The following COL5A3 variants were observed in gnomAD, a reference collection of about 807,000 sequenced individuals.
The protein encoded by COL5A3 is collagen alpha-3(V) chain.
In COL5A3, 172 loss-of-function variants were observed where a neutral mutation model predicts 250.0. That is an observed-to-expected ratio of 0.69 (90% CI 0.61 to 0.78). The LOEUF is 0.78. Ranked by LOEUF, COL5A3 falls within the 30% of genes least tolerant of loss-of-function variation. The pLI, the probability that COL5A3 is intolerant of heterozygous loss-of-function variation, is 0.00. For synonymous variants in COL5A3, 937 were observed against 900.4 expected, an observed-to-expected ratio of 1.04 and a Z score of -0.73; for missense variants, 2,340 against 2,334.4, an observed-to-expected ratio of 1.00 and a Z score of -0.05.
chr19:9,989,298 C>A, intron 26 of COL5A3, 24 bp downstream of exon 26: 1 of 1,614,164 alleles, frequency 6.2e-7, no homozygotes, highest in Non-Finnish European at 8.5e-7. Context: ...GTCCCCAACC[C>A]AGCCTAACCT....
chr19:10,005,739 G>T (rs777092489), intron 3 of COL5A3, 25 bp from the exon 4 acceptor site: 29 of 1,600,046 alleles, frequency 1.8e-5, no homozygotes, highest in Non-Finnish European at 2.3e-5. Flanking sequence ...CCTCAGTGCG[G>T]GTGCTTCTCA....
chr19:9,977,553 C>G, intron 42 of COL5A3, 41 bp downstream of exon 42: 1 of 1,531,814 alleles, frequency 6.5e-7, no homozygotes. Context: ...CAGGGCCAGA[C>G]CCTGAGGAGG....
chr19:9,971,256 G>A lies in COL5A3; in HGVS notation c.3777C>T (p.Gly1259=), dbSNP rs1407740267. 2 of 1,564,822 alleles carry A rather than the reference G, an allele frequency of 1.3e-6. No individual in the cohort carries two copies. The highest frequency in any genetic ancestry group is 1.7e-6 in the Non-Finnish European group (2 of 1,163,074). Residue 1259 remains glycine, a splice_region_variant and synonymous_variant, in exon 52 of 67, where the codon GGC becomes GGT. Transcript: ENST00000264828. ...CTAGATCTCCGGGCAGCCCCGTGGG[G>A]CCCTGGAACACAGAATGATTAATAA... ...PGEDGAKGSV[G]PTGLPGDLGP...
intron 12 of COL5A3, 29 bp from the exon 13 acceptor site, chr19:9,996,545 C>T: frequency 1.2e-6 from 2 of 1,612,994 alleles, no homozygotes; most frequent in Non-Finnish European, 8.5e-7. Context: ...TGAGGGAAGC[C>T]CCCAGGAGAG....
chr19:9,986,640 C>A (rs769790223), intron 28 of COL5A3, 34 bp from the exon 29 acceptor site: 1 of 1,613,916 alleles, frequency 6.2e-7, no homozygotes, highest in South Asian at 1.1e-5. Flanking sequence ...GAAGTGAGGG[C>A]CTCGGGGAAG....
At chr19:10,007,751 C>G (rs896534139) in intron 1 of COL5A3, among the ~76,000 whole-genome samples, 4 of 152,136 alleles carry the variant, frequency 2.6e-5, no homozygotes, top group African/African-American at 4.8e-5. Flanking sequence ...ACCCCCATTC[C>G]CACTCTTCCT....
At chr19:9,987,542 G>C (rs1299200346) in intron 27 of COL5A3, among the ~76,000 whole-genome samples, 5 of 151,812 alleles carry the variant, frequency 3.3e-5, no homozygotes, top group Non-Finnish European at 7.4e-5. Context: ...TTCCAGACCA[G>C]CCTGGGCAAC....
At chr19:9,979,558 G>A in intron 37 of COL5A3, 141 bp from the exon 38 acceptor site, 1 of 867,244 alleles carries the variant, frequency 1.2e-6, no homozygotes, top group Non-Finnish European at 1.8e-6. Context: ...GGGAGGCAGA[G>A]GCAGGTGGGT....
At chr19:9,994,571 TATATATA>T (rs1457950707) in intron 16 of COL5A3, among the ~76,000 whole-genome samples, 1 of 58,190 alleles carries the variant, frequency 1.7e-5, no homozygotes, top group African/African-American at 1.2e-4. Flanking sequence ...TATATATATA[TATATATA>T]TATATATATA....
At chr19:9,965,992 C>T (rs528408623) in intron 64 of COL5A3, among the ~76,000 whole-genome samples, 148 of 144,216 alleles carry the variant, frequency 1.0e-3, no homozygotes, top group African/African-American at 3.6e-3. Context: ...CACCACCATG[C>T]CCGCCAGTTT....
chr19:9,966,186 G>T, intron 64 of COL5A3, 128 bp downstream of exon 64: 3 of 725,950 alleles, frequency 4.1e-6, no homozygotes, highest in Non-Finnish European at 6.9e-6. Flanking sequence ...GGCAGGACTT[G>T]GCATACAGTA....
chr19:9,992,416 A>AAAAG (rs757757080), intron 21 of COL5A3, among the ~76,000 whole-genome samples: 111 of 151,922 alleles, frequency 7.3e-4, no homozygotes, highest in Middle Eastern at 3.4e-3. Flanking sequence ...TCTAAAAAAA[A>AAAAG]AAAGAAAGAA....
rs573779965 is a variant in COL5A3, at chr19:9,985,363, C to T, written c.2406+479G>A. Among the ~76,000 whole-genome samples, 219 of 151,178 alleles carry T rather than the reference C, an allele frequency of 1.4e-3. 1 individual carries two copies. Among genetic ancestry groups the T allele is most frequent in the Middle Eastern group, 3.4e-3 (1 of 294 alleles). Reference sequence around the variant, plus strand: ...ACAACCTCTGCCTCCTGGGTTCAAGCGATTCTCCTGCCTCAGCCTCCCGAG... The same window carrying T: ...ACAACCTCTGCCTCCTGGGTTCAAGTGATTCTCCTGCCTCAGCCTCCCGAG... On this transcript the variant is annotated intron_variant, in intron 31 of 66. Coordinates refer to ENST00000264828, the MANE Select transcript of COL5A3 (RefSeq NM_015719.4).
rs766880714 is a variant in COL5A3 at position 9,979,267 on chromosome 19, T to TG, written c.2767-29dup. The TG allele has an allele frequency of 2.5e-6, 4 of 1,602,792 alleles. No individual in the cohort carries two copies. In the Admixed American group the frequency reaches 6.7e-5, roughly 27 times the overall value. On this transcript the variant is annotated intron_variant, in intron 38 of 66. Coordinates refer to ENST00000264828, the MANE Select transcript of COL5A3 (RefSeq NM_015719.4). ...GGTGAGGAAGAAGGCTCCTGTTGAG[T>TG]GGGGGTGGCCTAGGGGAGTCGCTCA...
rs571286103 is a variant in COL5A3, at chr19:9,992,825, A to G, written c.1848+2T>C. The G allele has an allele frequency of 7.4e-6, 12 of 1,613,892 alleles. No individual in the cohort carries two copies. The Admixed American group carries it at 1.5e-4, about 20-fold the overall frequency. On this transcript the variant is annotated splice_donor_variant, in intron 21 of 66. Transcript: ENST00000264828. LOFTEE classifies it high-confidence loss of function. Reference sequence around the variant, plus strand: ...GGGATGCAGAGAGCCAGTGACACTCACCGGGCGACCCGTGGGGCCAGGAGA... The same window carrying G: ...GGGATGCAGAGAGCCAGTGACACTCGCCGGGCGACCCGTGGGGCCAGGAGA...
At chr19:9,998,290 T>C (rs2087303190) in intron 8 of COL5A3, 141 bp from the exon 9 acceptor site, 1 of 837,174 alleles carries the variant, frequency 1.2e-6, no homozygotes, top group Non-Finnish European at 1.8e-6. Flanking sequence ...TCTCCTCTAC[T>C]GTAACCAATA....
Position 10,005,882 on chromosome 19 carries a change from C to G in COL5A3, c.351G>C (p.Gln117His). 3 of 1,613,942 alleles carry G rather than the reference C, an allele frequency of 1.9e-6. No homozygotes were observed. Among genetic ancestry groups the G allele is most frequent in the Non-Finnish European group, 2.5e-6 (3 of 1,180,004 alleles). The change falls in exon 3 of 67, where the codon CAG becomes CAC. Residue 117 changes from glutamine to histidine, a missense_variant. Around this residue, in one of 3 missense-constraint regions of COL5A3, gnomAD observed 1,152 missense variants for 1,146.3 expected, o/e 1.00. Coordinates refer to ENST00000264828, the MANE Select transcript of COL5A3 (RefSeq NM_015719.4). ...LSIYDERGAR[Q>H]LGLALGPALG... ...GCGCTGGCCCCAGTGCCAGGCCCAA[C>G]TGCCGGGCACCCCTTTCATCATAAA...
At chr19:9,965,448 G>A (rs138756003) in intron 64 of COL5A3, among the ~76,000 whole-genome samples, 14,904 of 139,364 alleles carry the variant, frequency 0.11, 880 homozygotes, top group African/African-American at 0.17. Flanking sequence ...GAGCCACCGC[G>A]CCCGGCCTTC....
chr19:9,989,207 T>C (rs2287806), intron 26 of COL5A3, 30 bp from the exon 27 acceptor site: 49,390 of 1,613,742 alleles, frequency 0.031, 1,663 homozygotes, highest in East Asian at 0.14. Flanking sequence ...AGTGCCATTC[T>C]AGACAGTCCC....
Sources: gnomAD v4.1 joint callset for allele counts (sites outside exome capture counted in the v4.1 genomes callset) on GRCh38, gnomAD v4.1.1 for gene constraint, gnomAD v4.1.1 regional missense constraint, MANE v1.5 for transcripts, NCBI Gene and HGNC (gene_info 2026-07-23, HGNC 2026-07-21) for gene names.